Variants in YPEL2 observed in about 807,000 individuals in gnomAD.
YPEL2 encodes the protein protein yippee-like 2.
Under a neutral mutation model 19.1 loss-of-function variants are expected in YPEL2, and 2 were observed. That is an observed-to-expected ratio of 0.10 (90% CI 0.04 to 0.33). The LOEUF is 0.33. YPEL2 is among the 10% of genes least tolerant of loss of function. The pLI is 1.00. For missense variants in YPEL2, 66 were observed against 140.7 expected (o/e 0.47, Z 2.68); for synonymous variants, 52 against 50.0 (o/e 1.04, Z -0.17).
intron 2 of YPEL2, among the ~76,000 whole-genome samples, chr17:59,382,309 G>A (rs1408391647): frequency 6.6e-6 from 1 of 152,240 alleles, no homozygotes; most frequent in Non-Finnish European, 1.5e-5. Flanking sequence ...AGGCCTGGAA[G>A]AAGCCATGGG....
intron 2 of YPEL2, among the ~76,000 whole-genome samples, chr17:59,369,314 G>A (rs1388181231): frequency 6.6e-6 from 1 of 152,206 alleles, no homozygotes; most frequent in African/African-American, 2.4e-5. Context: ...AACAGGCATT[G>A]GAAAATGGGG....
chr17:59,359,121 G>A (rs569628356), intron 2 of YPEL2, among the ~76,000 whole-genome samples: 1 of 150,180 alleles, frequency 6.7e-6, no homozygotes, highest in Non-Finnish European at 1.5e-5. Context: ...ACGGGATTTT[G>A]CCATGTTGGC....
At position 59,337,186 on chromosome 17, in the gene YPEL2, TTTTTTTG is replaced by T. The variant is rs796409804; in HGVS notation, c.-196+5369_-196+5375del. ...TAAGAAGTTCATGGGAGAAATTCTT[TTTTTTTG>T]TTTTTTTTGTTTGAGACGGAGTCTC... is the stretch of plus-strand genomic sequence containing the variant. On this transcript the variant is annotated intron_variant, in intron 1 of 4. Coordinates refer to ENST00000312655, the MANE Select transcript of YPEL2 (RefSeq NM_001005404.4). Among the ~76,000 whole-genome samples, 163 of 148,602 alleles carry T rather than the reference TTTTTTTG, an allele frequency of 1.1e-3. 2 individuals carry two copies. The highest frequency in any genetic ancestry group is 3.6e-3 in the African/African-American group (146 of 40,070).
At chr17:59,369,640 C>T (rs757086327) in intron 2 of YPEL2, among the ~76,000 whole-genome samples, 2 of 152,200 alleles carry the variant, frequency 1.3e-5, no homozygotes, top group Admixed American at 6.5e-5. Context: ...ATCCCTGTCC[C>T]GGTCTGATGT....
chr17:59,342,039 A>G (rs1024043877), intron 1 of YPEL2, among the ~76,000 whole-genome samples: 12 of 152,222 alleles, frequency 7.9e-5, no homozygotes, highest in Non-Finnish European at 2.9e-5. Context: ...AAAAAGTTCA[A>G]TTTCCAAATT....
At chr17:59,388,487 G>C in intron 3 of YPEL2, 117 bp downstream of exon 3, 2 of 1,045,416 alleles carry the variant, frequency 1.9e-6, no homozygotes, top group Non-Finnish European at 3.0e-6. Flanking sequence ...GTAAAACTCT[G>C]TGGAGCATTA....
Position 59,375,820 on chromosome 17 carries a change from T to C in YPEL2, c.118-12507T>C, listed in dbSNP as rs1004444865. Among the ~76,000 whole-genome samples the C allele has an allele frequency of 5.9e-5, 9 of 152,326 alleles. No individual in the cohort carries two copies. The South Asian group carries it at 6.2e-4, about 11-fold the overall frequency. ...TCAGAGCAGAGAAATTTGAATAGCC[T>C]AAGAGATTTTCATAAGTTCTAACAG... is the stretch of plus-strand genomic sequence containing the variant. On this transcript the variant is annotated intron_variant, in intron 2 of 4. Transcript: ENST00000312655.
At chr17:59,339,038 C>T (rs2047713652) in intron 1 of YPEL2, among the ~76,000 whole-genome samples, 1 of 152,060 alleles carries the variant, frequency 6.6e-6, no homozygotes, top group African/African-American at 2.4e-5. Flanking sequence ...GCCCCCTTGC[C>T]CTTGCTCTTT....
chr17:59,338,816 C>T (rs528024620), intron 1 of YPEL2, among the ~76,000 whole-genome samples: 40 of 152,292 alleles, frequency 2.6e-4, no homozygotes, highest in Admixed American at 5.9e-4. Context: ...AGCTGGCTGC[C>T]TTAAGAATTC....
intron 2 of YPEL2, among the ~76,000 whole-genome samples, chr17:59,360,291 A>G (rs1598036146): frequency 6.6e-6 from 1 of 152,096 alleles, no homozygotes; most frequent in Non-Finnish European, 1.5e-5. Context: ...GTTGGCCAGG[A>G]TGGTCTTGAA....
intron 1 of YPEL2, among the ~76,000 whole-genome samples, chr17:59,350,752 G>A (rs914005188): frequency 2.0e-5 from 3 of 152,206 alleles, no homozygotes; most frequent in African/African-American, 7.2e-5. Context: ...AGAAGTGAGA[G>A]AAGAAATAAT....
At chr17:59,388,560 A>G (rs1598052292) in intron 3 of YPEL2, among the ~76,000 whole-genome samples, 190 bp downstream of exon 3, 1 of 152,300 alleles carries the variant, frequency 6.6e-6, no homozygotes, top group Admixed American at 6.5e-5. Flanking sequence ...TCTGGCTAAA[A>G]ATAATATATT....
intron 2 of YPEL2, among the ~76,000 whole-genome samples, chr17:59,378,452 C>T (rs985863244): frequency 6.6e-6 from 1 of 151,470 alleles, no homozygotes; most frequent in Non-Finnish European, 1.5e-5. Flanking sequence ...TCAAGCAGTT[C>T]TCATGCCTCA....
chr17:59,388,157 G>A (rs542542572), intron 2 of YPEL2, among the ~76,000 whole-genome samples, 170 bp from the exon 3 acceptor site: 11 of 152,214 alleles, frequency 7.2e-5, no homozygotes, highest in African/African-American at 1.7e-4. Context: ...TGTTAATTCC[G>A]CCCTCTTCTC....
intron 2 of YPEL2, among the ~76,000 whole-genome samples, chr17:59,377,297 G>A (rs906417389): frequency 6.6e-6 from 1 of 152,148 alleles, no homozygotes; most frequent in East Asian, 1.9e-4. Flanking sequence ...TCAAGGGCCC[G>A]ATGGCTTTGA....
intron 2 of YPEL2, among the ~76,000 whole-genome samples, chr17:59,387,160 G>A (rs1429287956): frequency 4.6e-5 from 7 of 151,066 alleles, no homozygotes; most frequent in East Asian, 3.9e-4. Context: ...CTCAGGAGGC[G>A]GAGGCAGGAC....
At chr17:59,389,319 G>T (rs1274656268) in intron 3 of YPEL2, 41 bp from the exon 4 acceptor site, 2 of 1,557,022 alleles carry the variant, frequency 1.3e-6, no homozygotes, top group Non-Finnish European at 1.8e-6. Context: ...TGATGTGCGT[G>T]TCACTAACTA....
chr17:59,346,705 A>G (rs951068658), intron 1 of YPEL2, among the ~76,000 whole-genome samples: 1 of 152,158 alleles, frequency 6.6e-6, no homozygotes, highest in African/African-American at 2.4e-5. Context: ...TACCTCTAGT[A>G]GAGGATACAG....
chr17:59,388,464 C>A, intron 3 of YPEL2, 94 bp downstream of exon 3: 1 of 1,261,576 alleles, frequency 7.9e-7, no homozygotes, highest in Non-Finnish European at 1.2e-6. Flanking sequence ...TGAACCCTGC[C>A]CTGTCTGCCA....
Sources: gnomAD v4.1 joint callset for allele counts (sites outside exome capture counted in the v4.1 genomes callset) on GRCh38, gnomAD v4.1.1 for gene constraint, MANE v1.5 for transcripts, NCBI Gene and HGNC (gene_info 2026-07-23, HGNC 2026-07-21) for gene names.